The following FBXL5 variants were observed in gnomAD, a reference collection of about 807,000 sequenced individuals.
The protein encoded by FBXL5 is F-box/LRR-repeat protein 5.
FBXL5 carries 26 observed loss-of-function variants against 78.3 expected under a neutral mutation model. The ratio of observed to expected loss-of-function variants is 0.33; its 90% CI spans 0.24 to 0.46. The LOEUF is 0.46. Ranked by LOEUF, FBXL5 falls within the 20% of genes least tolerant of loss-of-function variation. The probability of loss-of-function intolerance (pLI) is 1.00; values close to 1 mark genes in which losing one functional copy is unlikely to be tolerated. For synonymous variants in FBXL5, 295 were observed against 282.5 expected (o/e 1.04, Z -0.45); for missense variants, 710 against 829.2 (o/e 0.86, Z 1.77).
chr4:15,644,747 T>A (rs1415762027), intron 1 of FBXL5, 39 bp from the exon 2 acceptor site: 1 of 1,400,872 alleles, frequency 7.1e-7, no homozygotes, highest in Admixed American at 1.9e-5. Flanking sequence ...AATAAATACG[T>A]GCAAATATGC....
At chr4:15,652,247 T>C in intron 1 of FBXL5, among the ~76,000 whole-genome samples, 1 of 152,114 alleles carries the variant, frequency 6.6e-6, no homozygotes, top group East Asian at 1.9e-4. Context: ...TAGCAGGAGA[T>C]TTCTTAGCAG....
At chr4:15,619,905 G>A (rs1203916195) in intron 9 of FBXL5, among the ~76,000 whole-genome samples, 1 of 151,900 alleles carries the variant, frequency 6.6e-6, no homozygotes, top group Admixed American at 6.6e-5. Context: ...CCTAAAACCT[G>A]TTAGAACTAC....
intron 1 of FBXL5, among the ~76,000 whole-genome samples, chr4:15,650,495 A>G (rs1577480198): frequency 6.6e-6 from 1 of 152,148 alleles, no homozygotes; most frequent in Non-Finnish European, 1.5e-5. Flanking sequence ...CATTTTGAAG[A>G]GCACTCTTCT....
upstream of FBXL5, among the ~76,000 whole-genome samples, chr4:15,660,888 G>T (rs970170769): frequency 6.6e-6 from 1 of 151,958 alleles, no homozygotes; most frequent in East Asian, 1.9e-4. Flanking sequence ...ACCAACCTGG[G>T]CAACATGGCG....
At chr4:15,632,608 T>C (rs561419166) in intron 5 of FBXL5, among the ~76,000 whole-genome samples, 1 of 152,326 alleles carries the variant, frequency 6.6e-6, no homozygotes. Flanking sequence ...GGTTTGTAGT[T>C]CTCCTTGAAG....
chr4:15,635,514 G>A (rs1286559322), intron 5 of FBXL5, among the ~76,000 whole-genome samples: 2 of 151,974 alleles, frequency 1.3e-5, no homozygotes, highest in Non-Finnish European at 2.9e-5. Context: ...AGCACTTTGG[G>A]AGGCCAAGGC....
chr4:15,622,421 C>T (rs1349017659), intron 9 of FBXL5, among the ~76,000 whole-genome samples: 1 of 152,118 alleles, frequency 6.6e-6, no homozygotes, highest in African/African-American at 2.4e-5. Flanking sequence ...TTTTCTATTT[C>T]CTCAGTCTCT....
intron 1 of FBXL5, among the ~76,000 whole-genome samples, chr4:15,649,550 A>T (rs992906575): frequency 8.8e-5 from 13 of 146,914 alleles, no homozygotes; most frequent in Non-Finnish European, 1.6e-4. Flanking sequence ...ACTGCACTCC[A>T]GCCTGGAGAC....
chr4:15,634,335 T>G lies in FBXL5; in HGVS notation c.766+2159A>C, dbSNP rs570510690. Among the ~76,000 whole-genome samples the G allele has an allele frequency of 1.1e-4, 17 of 151,630 alleles. No homozygotes were observed. In the South Asian group the frequency reaches 2.5e-3, roughly 22 times the overall value. On this transcript the variant is annotated intron_variant, in intron 5 of 10. Transcript: ENST00000341285. ...TCTCAAGTAACTGGGATTACAGGCA[T>G]GTGCCACCATGTCTGACTAATTTTT...
At chr4:15,645,088 G>T (rs1241715334) in intron 1 of FBXL5, among the ~76,000 whole-genome samples, 1 of 151,968 alleles carries the variant, frequency 6.6e-6, no homozygotes, top group Non-Finnish European at 1.5e-5. Flanking sequence ...AAATACAACA[G>T]ACGGGTAGAT....
chr4:15,678,762 T>C (rs541078954), intron 1 of FBXL5, among the ~76,000 whole-genome samples: 3 of 152,292 alleles, frequency 2.0e-5, no homozygotes, highest in African/African-American at 7.2e-5. Flanking sequence ...TACAGAAAAA[T>C]ATTTATAAGG....
At chr4:15,651,409 GATA>G (rs1455555148) in intron 1 of FBXL5, among the ~76,000 whole-genome samples, 1 of 152,176 alleles carries the variant, frequency 6.6e-6, no homozygotes, top group African/African-American at 2.4e-5. Flanking sequence ...TTAAATGAAG[GATA>G]ATATTTGGCT....
At chr4:15,679,694 T>C (rs1418699773) in intron 1 of FBXL5, among the ~76,000 whole-genome samples, 1 of 152,108 alleles carries the variant, frequency 6.6e-6, no homozygotes, top group Non-Finnish European at 1.5e-5. Flanking sequence ...CTAACTCATA[T>C]TCCCAAACTT....
At chr4:15,627,836 T>G in intron 7 of FBXL5, 49 bp downstream of exon 7, 1 of 1,569,994 alleles carries the variant, frequency 6.4e-7, no homozygotes, top group South Asian at 1.2e-5. Context: ...ACCAAACTCT[T>G]ATCATGCTGT....
Position 15,625,594 on chromosome 4 carries a change from C to T in FBXL5, c.1508G>A (p.Ser503Asn). Residue 503 changes from serine to asparagine, a missense_variant, in exon 9 of 11, where the codon AGT becomes AAT. Physicochemically the swap from Ser to Asn is conservative, Grantham distance 46. This residue lies in a region of FBXL5 where 517 missense variants were observed against 542.9 expected (regional missense o/e 0.95). Coordinates refer to ENST00000341285, the MANE Select transcript of FBXL5 (RefSeq NM_012161.4). Reference protein sequence around the residue: ...TVEWRHRNVESLCVMETASNF... With the variant: ...TVEWRHRNVENLCVMETASNF... ...GGATGCTGTTTCCATTACACAAAGA[C>T]TTTCAACATTTCTATGTCTCCATTC... 1 of 1,614,186 alleles carries T rather than the reference C, an allele frequency of 6.2e-7. No homozygotes were observed. The highest frequency in any genetic ancestry group is 1.3e-5 in the African/African-American group (1 of 75,056).
At chr4:15,620,337 A>G (rs1263818465) in intron 9 of FBXL5, among the ~76,000 whole-genome samples, 1 of 137,364 alleles carries the variant, frequency 7.3e-6, no homozygotes, top group East Asian at 2.2e-4. Context: ...AAGACTTAAT[A>G]CTGTTGTCAA....
At chr4:15,615,113 C>T (rs938750875) in intron 9 of FBXL5, among the ~76,000 whole-genome samples, 14 of 152,164 alleles carry the variant, frequency 9.2e-5, no homozygotes, top group Non-Finnish European at 1.5e-4. Context: ...CCACCGGCAC[C>T]GCGCTCGATT....
chr4:15,655,294 T>C lies in FBXL5; in HGVS notation c.-7A>G. On this transcript the variant is annotated 5_prime_UTR_variant, in exon 1 of 11. Coordinates refer to ENST00000341285, the MANE Select transcript of FBXL5 (RefSeq NM_012161.4). ...CTTCAGGAAAGGGCGCCATCGCCACTGCCTCAGCCTCCGCCTCAGCAGCCG... is the reference window on the plus strand; with the variant it reads ...CTTCAGGAAAGGGCGCCATCGCCACCGCCTCAGCCTCCGCCTCAGCAGCCG... 4 of 1,406,364 alleles carry C rather than the reference T, an allele frequency of 2.8e-6. No individual in the cohort carries two copies. The highest frequency in any genetic ancestry group is 3.3e-5 in the East Asian group (1 of 30,592). The allele number at this position is 1,406,364 out of a possible 1,614,324, so 87.1% of individuals were successfully genotyped here. A position where few individuals can be genotyped will look rare whatever the true frequency, so the allele number is the denominator to read the frequency against.
At chr4:15,639,169 AAAAT>A (rs1714584833) in intron 3 of FBXL5, among the ~76,000 whole-genome samples, 2 of 152,368 alleles carry the variant, frequency 1.3e-5, no homozygotes, top group South Asian at 2.1e-4. Context: ...TGTCTCCAGA[AAAAT>A]AAATAAATAA....
Sources: gnomAD v4.1 joint callset for allele counts (sites outside exome capture counted in the v4.1 genomes callset) on GRCh38, gnomAD v4.1.1 for gene constraint, gnomAD v4.1.1 regional missense constraint, MANE v1.5 for transcripts, NCBI Gene and HGNC (gene_info 2026-07-23, HGNC 2026-07-21) for gene names.